BTBD10: variants seen among roughly 807,000 people sequenced by gnomAD.
BTBD10 encodes BTB/POZ domain-containing protein 10.
A neutral mutation model predicts 53.2 loss-of-function variants in BTBD10; 21 were observed. The observed-to-expected ratio is 0.39, with a 90% confidence interval of 0.28 to 0.57. The LOEUF (loss-of-function observed/expected upper bound fraction) is 0.57, where lower values mean the gene tolerates loss of function less well. BTBD10 is among the 20% of genes least tolerant of loss of function. The pLI, the probability that BTBD10 is intolerant of heterozygous loss-of-function variation, is 0.53. For synonymous variants in BTBD10, 149 were observed against 192.7 expected (o/e 0.77, Z 1.88); for missense variants, 360 against 594.7 (o/e 0.61, Z 4.10).
At chr11:13,451,170 A>G (rs1235329840) in intron 1 of BTBD10, among the ~76,000 whole-genome samples, 1 of 152,152 alleles carries the variant, frequency 6.6e-6, no homozygotes, top group Non-Finnish European at 1.5e-5. Context: ...CATGTACGGG[A>G]GGTAGGGGAG....
intron 2 of BTBD10, among the ~76,000 whole-genome samples, chr11:13,422,375 C>T (rs1366137131): frequency 6.6e-6 from 1 of 152,268 alleles, no homozygotes; most frequent in Non-Finnish European, 1.5e-5. Flanking sequence ...TAGCCAGGCA[C>T]AGTGAATCAC....
chr11:13,455,388 TTAACACTTCAATAAATGAAGTG>T (rs1418657063), intron 1 of BTBD10, among the ~76,000 whole-genome samples: 1 of 152,222 alleles, frequency 6.6e-6, no homozygotes, highest in African/African-American at 2.4e-5. Flanking sequence ...AATTAACACA[TTAACACTTCAATAAATGAAGTG>T]TTATTCATTT....
At chr11:13,422,868 C>T (rs1950270062) in intron 2 of BTBD10, among the ~76,000 whole-genome samples, 2 of 152,146 alleles carry the variant, frequency 1.3e-5, no homozygotes, top group Non-Finnish European at 2.9e-5. Context: ...CAATGCTATG[C>T]TAAATGCCAA....
chr11:13,437,333 C>T (rs1301847930), intron 2 of BTBD10, among the ~76,000 whole-genome samples: 1 of 152,134 alleles, frequency 6.6e-6, no homozygotes, highest in Non-Finnish European at 1.5e-5. Context: ...ATATGTGATG[C>T]TGTAGAGCGA....
chr11:13,396,097 G>A (rs1240123098), intron 8 of BTBD10, among the ~76,000 whole-genome samples: 1 of 152,100 alleles, frequency 6.6e-6, no homozygotes, highest in Non-Finnish European at 1.5e-5. Flanking sequence ...TAGCTTGATG[G>A]GGATGGCATT....
At chr11:13,454,608 T>C (rs900270047) in intron 1 of BTBD10, among the ~76,000 whole-genome samples, 68 of 152,220 alleles carry the variant, frequency 4.5e-4, no homozygotes, top group African/African-American at 1.5e-3. Flanking sequence ...TCCCACCTAC[T>C]TGGTAGGCTG....
intron 2 of BTBD10, among the ~76,000 whole-genome samples, chr11:13,424,938 G>C (rs940806135): frequency 6.6e-6 from 1 of 152,162 alleles, no homozygotes; most frequent in African/African-American, 2.4e-5. Flanking sequence ...CTGAGTGAAA[G>C]ACATGGAGCT....
At chr11:13,442,550 T>C (rs886828741) in intron 2 of BTBD10, among the ~76,000 whole-genome samples, 1 of 152,134 alleles carries the variant, frequency 6.6e-6, no homozygotes, top group African/African-American at 2.4e-5. Flanking sequence ...TGAAGATCCA[T>C]GCCAGAAATG....
At chr11:13,440,639 G>C (rs1169577458) in intron 2 of BTBD10, among the ~76,000 whole-genome samples, 1 of 152,172 alleles carries the variant, frequency 6.6e-6, no homozygotes, top group Non-Finnish European at 1.5e-5. Flanking sequence ...GACTTAAAAG[G>C]GAAACTGGAA....
At chr11:13,410,029 A>C (rs1949906156) in intron 6 of BTBD10, among the ~76,000 whole-genome samples, 1 of 152,204 alleles carries the variant, frequency 6.6e-6, no homozygotes, top group Non-Finnish European at 1.5e-5. Flanking sequence ...GAGGGATAAA[A>C]GACTACATAC....
chr11:13,448,985 A>G (rs1358070012), intron 1 of BTBD10, among the ~76,000 whole-genome samples: 1 of 152,176 alleles, frequency 6.6e-6, no homozygotes, highest in Non-Finnish European at 1.5e-5. Flanking sequence ...TAATCTAGAA[A>G]TCATCTGTAC....
At position 13,388,442 on chromosome 11, in the gene BTBD10, T is replaced by A. The variant is rs1949312180; in HGVS notation, c.*389A>T. 6.1e-6 allele frequency: 1 copy of A among 163,150 alleles called. No individual in the cohort carries two copies. The highest frequency in any genetic ancestry group is 1.8e-4 in the South Asian group (1 of 5,542). 10.1% of individuals were successfully genotyped at this position (163,150 alleles called of 1,614,324 possible). ...TTGAACATTTCCATTTAACCACCATTTATAAAGTGCAACTATATATTACTC... is the reference window on the plus strand; with the variant it reads ...TTGAACATTTCCATTTAACCACCATATATAAAGTGCAACTATATATTACTC... On this transcript the variant is annotated 3_prime_UTR_variant, in exon 9 of 9. Coordinates refer to ENST00000278174, the MANE Select transcript of BTBD10 (RefSeq NM_032320.7).
chr11:13,459,379 G>A (rs1190145101), intron 1 of BTBD10, among the ~76,000 whole-genome samples: 5 of 151,826 alleles, frequency 3.3e-5, no homozygotes, highest in Admixed American at 3.3e-4. Flanking sequence ...ACATTCTTTA[G>A]CAAACTAGGT....
intron 6 of BTBD10, among the ~76,000 whole-genome samples, chr11:13,412,747 C>T (rs1254582103): frequency 3.9e-5 from 6 of 152,192 alleles, no homozygotes; most frequent in Non-Finnish European, 8.8e-5. Context: ...AACTCTTCCA[C>T]GATCCTTAGC....
intron 2 of BTBD10, among the ~76,000 whole-genome samples, chr11:13,428,706 C>G (rs1050935174): frequency 6.6e-6 from 1 of 152,070 alleles, no homozygotes; most frequent in Admixed American, 6.6e-5. Flanking sequence ...CAAATGCTCT[C>G]CATCTAAAAT....
chr11:13,423,709 A>AT (rs1950285424), intron 2 of BTBD10, among the ~76,000 whole-genome samples: 1 of 152,160 alleles, frequency 6.6e-6, no homozygotes, highest in African/African-American at 2.4e-5. Flanking sequence ...TCTTTGGTTG[A>AT]TTTTATTAGC....
At chr11:13,409,894 G>C (rs72870946) in intron 6 of BTBD10, among the ~76,000 whole-genome samples, 16,388 of 152,184 alleles carry the variant, frequency 0.11, 978 homozygotes, top group Middle Eastern at 0.15. Flanking sequence ...GCTTGATTAA[G>C]AAGGAAGAGG....
chr11:13,459,652 C>T (rs950676392), intron 1 of BTBD10: 2 of 152,152 alleles, frequency 1.3e-5, no homozygotes, highest in Non-Finnish European at 2.9e-5. Context: ...ACTTCAACTG[C>T]AAATTAAACT....
intron 1 of BTBD10, chr11:13,459,799 T>A (rs1356841906): frequency 6.6e-6 from 1 of 152,194 alleles, no homozygotes; most frequent in Non-Finnish European, 1.5e-5. Flanking sequence ...AATTGAATCA[T>A]AAGGCACTGA....
Sources: allele counts gnomAD v4.1 joint callset (sites outside exome capture counted in the v4.1 genomes callset), GRCh38; gene constraint gnomAD v4.1.1; transcripts MANE v1.5; gene names NCBI Gene and HGNC (gene_info 2026-07-23, HGNC 2026-07-21).